The following FGF14 variants were observed in gnomAD, a reference collection of about 807,000 sequenced individuals.
The protein encoded by FGF14 is fibroblast growth factor homologous factor 4.
FGF14 carries 5 observed loss-of-function variants against 25.5 expected under a neutral mutation model. The observed-to-expected ratio is 0.20, with a 90% CI of 0.10 to 0.41. FGF14 has a LOEUF of 0.41. Among genes scored for constraint, FGF14 ranks in the 10% least tolerant of loss-of-function variants. The pLI is 1.00. For missense variants in FGF14, 222 were observed against 320.1 expected, an observed-to-expected ratio of 0.69 and a Z score of 2.34; for synonymous variants, 138 against 118.3, an observed-to-expected ratio of 1.17 and a Z score of -1.08.
intron 3 of FGF14, among the ~76,000 whole-genome samples, chr13:101,736,703 G>A (rs1296875448): frequency 1.3e-5 from 2 of 152,012 alleles, no homozygotes; most frequent in Non-Finnish European, 2.9e-5. Flanking sequence ...TCGGTATGAG[G>A]CAACCAGTAT....
intron 1 of FGF14, among the ~76,000 whole-genome samples, chr13:101,896,578 G>A (rs1294187597): frequency 6.6e-6 from 1 of 152,194 alleles, no homozygotes; most frequent in Non-Finnish European, 1.5e-5. Context: ...TTTAACAGCG[G>A]GGAATCTGAG....
At chr13:102,063,033 T>C (rs1235424144) in intron 1 of FGF14, among the ~76,000 whole-genome samples, 3 of 152,224 alleles carry the variant, frequency 2.0e-5, no homozygotes, top group South Asian at 2.1e-4. Flanking sequence ...TGTTGCACTA[T>C]AGAATTTCTG....
intron 3 of FGF14, among the ~76,000 whole-genome samples, chr13:101,791,795 A>C (rs1160485565): frequency 6.6e-6 from 1 of 152,130 alleles, no homozygotes; most frequent in Non-Finnish European, 1.5e-5. Flanking sequence ...GTGTCTAAAA[A>C]ATTTGTGAGC....
intron 3 of FGF14, among the ~76,000 whole-genome samples, chr13:101,797,640 G>T (rs375609712): frequency 3.5e-4 from 53 of 151,890 alleles, no homozygotes; most frequent in African/African-American, 1.2e-3. Flanking sequence ...TTTGAGAGTT[G>T]CACTCCATTT....
At chr13:102,056,871 TCTCC>T (rs934647831) in intron 1 of FGF14, among the ~76,000 whole-genome samples, 1 of 150,492 alleles carries the variant, frequency 6.6e-6, no homozygotes, top group Non-Finnish European at 1.5e-5. Flanking sequence ...TAACTAGTAT[TCTCC>T]CTTTTATTGC....
intron 1 of FGF14, among the ~76,000 whole-genome samples, chr13:102,278,873 G>A (rs1336674109): frequency 6.6e-6 from 1 of 152,068 alleles, no homozygotes; most frequent in Non-Finnish European, 1.5e-5. Context: ...AGCGCATTTT[G>A]AGCCCTCCAT....
chr13:102,393,992 G>A (rs1050340936), intron 1 of FGF14, among the ~76,000 whole-genome samples: 2 of 152,200 alleles, frequency 1.3e-5, no homozygotes, highest in Admixed American at 1.3e-4. Flanking sequence ...GGGTGTGAAC[G>A]TTATGGGAAC....
intron 1 of FGF14, among the ~76,000 whole-genome samples, chr13:102,265,230 A>C (rs2052930878): frequency 6.6e-6 from 1 of 152,004 alleles, no homozygotes; most frequent in Non-Finnish European, 1.5e-5. Flanking sequence ...TGTGTAAGTA[A>C]ATTTTGGCGC....
intron 1 of FGF14, among the ~76,000 whole-genome samples, chr13:101,982,923 C>T (rs995376799): frequency 6.6e-6 from 1 of 152,082 alleles, no homozygotes; most frequent in Non-Finnish European, 1.5e-5. Flanking sequence ...TTTGAAGAGA[C>T]AAGGTATACA....
chr13:101,719,596 A>G lies in FGF14; in HGVS notation c.*3235T>C, dbSNP rs2139639370. 1 of 152,260 alleles carries G rather than the reference A, an allele frequency of 6.6e-6. No homozygotes were observed. Among genetic ancestry groups the G allele is most frequent in the African/African-American group, 2.4e-5 (1 of 41,568 alleles). The allele number at this position is 152,260 out of a possible 1,614,324, so 9.4% of individuals were successfully genotyped here. A position where few individuals can be genotyped will look rare whatever the true frequency, so the allele number is the denominator to read the frequency against. On this transcript the variant is annotated 3_prime_UTR_variant, in exon 5 of 5. Transcript: ENST00000376143. The stretch of plus-strand genomic sequence containing the variant: ...TATATTAGAAAACAAAAATGTTGTC[A>G]CTTGAAATACCAAAACAACATTTCT...
At chr13:102,090,134 C>A (rs1184172383) in intron 1 of FGF14, among the ~76,000 whole-genome samples, 1 of 152,140 alleles carries the variant, frequency 6.6e-6, no homozygotes, top group Non-Finnish European at 1.5e-5. Context: ...TGAAAATTAT[C>A]ATTGCAACAA....
intron 1 of FGF14, among the ~76,000 whole-genome samples, chr13:102,194,792 C>A (rs2049276987): frequency 6.6e-6 from 1 of 151,988 alleles, no homozygotes; most frequent in Non-Finnish European, 1.5e-5. Flanking sequence ...CTAAAATTAT[C>A]CATGCCCAGA....
At chr13:102,391,393 CCAGAATGG>C in intron 1 of FGF14, among the ~76,000 whole-genome samples, 1 of 152,090 alleles carries the variant, frequency 6.6e-6, no homozygotes, top group Non-Finnish European at 1.5e-5. Flanking sequence ...CACACATGTA[CCAGAATGG>C]CCTCAGTACT....
intron 1 of FGF14, among the ~76,000 whole-genome samples, chr13:102,254,294 T>C (rs779250323): frequency 6.6e-6 from 1 of 152,146 alleles, no homozygotes; most frequent in Non-Finnish European, 1.5e-5. Context: ...GGTTCGGCCA[T>C]TGTCCCAAAA....
At chr13:102,346,667 G>A (rs1358528826) in intron 1 of FGF14, among the ~76,000 whole-genome samples, 1 of 151,566 alleles carries the variant, frequency 6.6e-6, no homozygotes, top group East Asian at 1.9e-4. Context: ...AATAAAGATG[G>A]CTCATGGGAA....
intron 3 of FGF14, among the ~76,000 whole-genome samples, chr13:101,815,611 G>T (rs149273861): frequency 1.5e-3 from 234 of 152,138 alleles, no homozygotes; most frequent in African/African-American, 5.4e-3. Context: ...TCTTATCACA[G>T]TCACCAGCAC....
At chr13:102,019,526 C>T (rs2139852961) in intron 1 of FGF14, among the ~76,000 whole-genome samples, 1 of 152,260 alleles carries the variant, frequency 6.6e-6, no homozygotes, top group South Asian at 2.1e-4. Context: ...TCCCACCTCT[C>T]CCTTGGAGAA....
intron 1 of FGF14, among the ~76,000 whole-genome samples, chr13:102,058,742 GT>G (rs1027304820): frequency 2.0e-5 from 3 of 152,048 alleles, no homozygotes; most frequent in African/African-American, 7.2e-5. Flanking sequence ...ATTTTAATGA[GT>G]TTTTTAATGT....
At chr13:101,760,852 A>G (rs552378734) in intron 3 of FGF14, among the ~76,000 whole-genome samples, 2 of 152,222 alleles carry the variant, frequency 1.3e-5, no homozygotes, top group Non-Finnish European at 2.9e-5. Flanking sequence ...GTCCTAGAGT[A>G]GCCTACAACA....
Sources: allele counts gnomAD v4.1 joint callset (sites outside exome capture counted in the v4.1 genomes callset), GRCh38; gene constraint gnomAD v4.1.1; transcripts MANE v1.5; gene names NCBI Gene and HGNC (gene_info 2026-07-23, HGNC 2026-07-21).